SLC26A11: variants seen among roughly 807,000 people sequenced by gnomAD.
SLC26A11 encodes sodium-independent sulfate anion transporter.
In SLC26A11, 58 loss-of-function variants were observed where a neutral mutation model predicts 62.2. That is an observed-to-expected ratio of 0.93 (90% CI 0.76 to 1.16). The LOEUF (loss-of-function observed/expected upper bound fraction) is 1.16, where lower values mean the gene tolerates loss of function less well. Ranked by LOEUF, SLC26A11 falls within the 50% of genes most tolerant of loss-of-function variation. The pLI, the probability that SLC26A11 is intolerant of heterozygous loss-of-function variation, is 0.00. For synonymous variants in SLC26A11, 411 were observed against 368.9 expected, an observed-to-expected ratio of 1.11 and a Z score of -1.31; for missense variants, 790 against 794.3, an observed-to-expected ratio of 0.99 and a Z score of 0.06.
chr17:80,241,135 G>A (rs981791017), intron 9 of SLC26A11, among the ~76,000 whole-genome samples: 1 of 152,170 alleles, frequency 6.6e-6, no homozygotes, highest in African/African-American at 2.4e-5. Context: ...TAATTTAATT[G>A]GTAATAATGG....
Position 80,241,753 on chromosome 17 carries a change from A to G in SLC26A11, c.986-18A>G, listed in dbSNP as rs1375926500. On this transcript the variant is annotated intron_variant, in intron 9 of 17. Coordinates refer to ENST00000361193, the MANE Select transcript of SLC26A11 (RefSeq NM_001166347.2). ...GTTGAATATTACTGACCAGGTCTTT[A>G]CCGTTGGTTCCCTTTAGCATCTCAG... The G allele has an allele frequency of 6.2e-7, 1 of 1,613,898 alleles. No homozygotes were observed. The highest frequency in any genetic ancestry group is 1.7e-5 in the Admixed American group (1 of 60,012).
chr17:80,238,516 C>T (rs1295812597), intron 9 of SLC26A11, among the ~76,000 whole-genome samples: 1 of 152,222 alleles, frequency 6.6e-6, no homozygotes, highest in Admixed American at 6.5e-5. Flanking sequence ...TCGTCTCCTT[C>T]AGTGTCTGTT....
Position 80,220,722 on chromosome 17 carries a change from CTCCG to C in SLC26A11, c.-213-193_-213-190del, listed in dbSNP as rs545431102. Reference sequence around the variant, plus strand: ...GGACGGTCAGGTGGCGCAGGGTCTCCTCCGGAGACCCCAGGATCCGGAGCCAGCG... The same window carrying C: ...GGACGGTCAGGTGGCGCAGGGTCTCCGAGACCCCAGGATCCGGAGCCAGCG... On this transcript the variant is annotated intron_variant, in intron 1 of 17. Coordinates refer to ENST00000361193, the MANE Select transcript of SLC26A11 (RefSeq NM_001166347.2). 0.016 allele frequency among the ~76,000 whole-genome samples: 2,470 copies of C among 152,128 alleles called. 78 individuals are homozygous for C. Among genetic ancestry groups the C allele is most frequent in the African/African-American group, 0.056 (2,339 of 41,528 alleles).
chr17:80,244,092 G>T (rs1191021185), intron 10 of SLC26A11, among the ~76,000 whole-genome samples: 1 of 152,208 alleles, frequency 6.6e-6, no homozygotes, highest in Non-Finnish European at 1.5e-5. Context: ...TACTGAGTTG[G>T]CCCCAGGCCG....
chr17:80,246,089 A>T lies in SLC26A11; in HGVS notation c.1098-65A>T. 6.4e-7 allele frequency: 1 copy of T among 1,561,146 alleles called. No homozygotes were observed. Among genetic ancestry groups the T allele is most frequent in the South Asian group, 1.1e-5 (1 of 90,020 alleles). ...GTCCCCTCGGAAGATCAGCCACAGGAGTGTGGACTGAGGTCTCCCTTTTCC... is the reference window on the plus strand; with the variant it reads ...GTCCCCTCGGAAGATCAGCCACAGGTGTGTGGACTGAGGTCTCCCTTTTCC... On this transcript the variant is annotated intron_variant, in intron 11 of 17. Coordinates refer to ENST00000361193, the MANE Select transcript of SLC26A11 (RefSeq NM_001166347.2). The surrounding 1 kb of genome is among the most constrained non-coding windows in gnomAD (Gnocchi z 4.4).
In SLC26A11 at chr17:80,237,582, G is replaced by A. The variant is rs371994810; in HGVS notation, c.973G>A (p.Ala325Thr). The part of the protein sequence containing the change: ...LMGLLESIAV[A>T]KAFASQNNYR... The stretch of plus-strand genomic sequence containing the variant: ...GGGCCTCCTGGAGAGCATTGCGGTG[G>A]CCAAAGCCTTCGGTAAGACGCCTGT... Residue 325 changes from alanine to threonine, a missense_variant, in exon 9 of 18, where the codon GCC becomes ACC. Coordinates refer to ENST00000361193, the MANE Select transcript of SLC26A11 (RefSeq NM_001166347.2). The A allele has an allele frequency of 8.7e-6, 14 of 1,611,068 alleles. No individual in the cohort carries two copies. Among genetic ancestry groups the A allele is most frequent in the African/African-American group, 2.7e-5 (2 of 74,912 alleles).
Position 80,252,993 on chromosome 17 carries a change from C to A in SLC26A11, c.*277C>A. The A allele has an allele frequency of 3.5e-6, 1 of 283,476 alleles. No homozygotes were observed. The highest frequency in any genetic ancestry group is 8.3e-5 in the East Asian group (1 of 12,068). 17.6% of individuals were successfully genotyped at this position (283,476 alleles called of 1,614,324 possible). A position where few individuals can be genotyped will look rare whatever the true frequency, so the allele number is the denominator to read the frequency against. On this transcript the variant is annotated 3_prime_UTR_variant, in exon 18 of 18. Transcript: ENST00000361193. This position sits in a 1 kb window ranked among gnomAD's most constrained non-coding sequence, Gnocchi z 5.2. Reference sequence around the variant, plus strand: ...GTTTGGAGAGAGCCTTCTAGAATGACAGACTGTGCGAGGAAGCAGGGGCAG... The same window carrying A: ...GTTTGGAGAGAGCCTTCTAGAATGAAAGACTGTGCGAGGAAGCAGGGGCAG...
chr17:80,229,673 G>A (rs58499066), intron 7 of SLC26A11, among the ~76,000 whole-genome samples: 7,178 of 151,844 alleles, frequency 0.047, 585 homozygotes, highest in African/African-American at 0.16. Flanking sequence ...CAAGTGATCC[G>A]CCCGCCTCAG....
rs1018420239 is a variant in SLC26A11, at chr17:80,246,766, A to G, written c.1294+117A>G. The G allele has an allele frequency of 5.1e-6, 7 of 1,362,248 alleles. No homozygotes were observed. The African/African-American group carries it at 1.0e-4, about 20-fold the overall frequency. 84.4% of individuals were successfully genotyped at this position (1,362,248 alleles called of 1,614,324 possible). ...TCTGTGGGGCTGGGACTGGGAAGTT[A>G]GGGCAGTCCCGGAACAGAGAAGTGG... On this transcript the variant is annotated intron_variant, in intron 13 of 17. Transcript: ENST00000361193. This position sits in a 1 kb window ranked among gnomAD's most constrained non-coding sequence, Gnocchi z 4.4.
rs1279359646 is a variant in SLC26A11 at position 80,246,149 on chromosome 17, TC to T, written c.1098-3del. The T allele has an allele frequency of 6.2e-7, 1 of 1,613,080 alleles. No homozygotes were observed. The highest frequency in any genetic ancestry group is 1.3e-5 in the African/African-American group (1 of 74,922). ...GTGACTGACGGTCTCTGTGTTGCCT[TC>T]CAGGACAGCCGTGAACGCTCAGTCG... On this transcript the variant is annotated splice_polypyrimidine_tract_variant and splice_region_variant and intron_variant, in intron 11 of 17. Coordinates refer to ENST00000361193, the MANE Select transcript of SLC26A11 (RefSeq NM_001166347.2). This position sits in a 1 kb window ranked among gnomAD's most constrained non-coding sequence, Gnocchi z 4.4.
chr17:80,248,153 G>GC lies in SLC26A11; in HGVS notation c.1318_1319insC (p.Val440AlafsTer33), dbSNP rs1192577846. 6.2e-7 allele frequency: 1 copy of GC among 1,605,270 alleles called. No homozygotes were observed. The highest frequency in any genetic ancestry group is 1.3e-5 in the African/African-American group (1 of 74,914). On this transcript the variant is annotated frameshift_variant, in exon 14 of 18. Coordinates refer to ENST00000361193, the MANE Select transcript of SLC26A11 (RefSeq NM_001166347.2). LOFTEE classifies it high-confidence loss of function. ...AGGGCTGGACCTGCTGCCCCTGTGCGTGACCTTCCTGCTGTGCTTCTGGGA... is the reference window on the plus strand; with the variant it reads ...AGGGCTGGACCTGCTGCCCCTGTGCGCTGACCTTCCTGCTGTGCTTCTGGGA...
chr17:80,237,248 TA>T, intron 8 of SLC26A11, 145 bp downstream of exon 8: 1 of 1,033,168 alleles, frequency 9.7e-7, no homozygotes, highest in Non-Finnish European at 1.4e-6. Flanking sequence ...TCTCAGTTAT[TA>T]AAGAATCCCA....
At chr17:80,229,361 C>T (rs1415360727) in intron 7 of SLC26A11, among the ~76,000 whole-genome samples, 1 of 152,058 alleles carries the variant, frequency 6.6e-6, no homozygotes, top group Non-Finnish European at 1.5e-5. Flanking sequence ...AAAGTAGCTT[C>T]CAAAGTTCCT....
Position 80,238,811 on chromosome 17 carries a change from G to GGTTTTTT in SLC26A11, c.985+1217_985+1218insGTTTTTT, listed in dbSNP as rs1555629117. 1.2e-3 allele frequency among the ~76,000 whole-genome samples: 151 copies of GGTTTTTT among 123,248 alleles called. 2 individuals carry two copies. The highest frequency in any genetic ancestry group is 5.0e-3 in the African/African-American group (145 of 29,218). 80.9% of individuals were successfully genotyped at this position (123,248 alleles called of 152,430 possible). On this transcript the variant is annotated intron_variant, in intron 9 of 17. Transcript: ENST00000361193. Reference sequence around the variant, plus strand: ...TCTAACCCTTACCCCCTTCAAAGGAGTTTTTTTTGTTTTTTGTTTTTTTTT... The same window carrying GGTTTTTT: ...TCTAACCCTTACCCCCTTCAAAGGAGGTTTTTTTTTTTTTTGTTTTTTGTTTTTTTTT...
intron 10 of SLC26A11, 61 bp from the exon 11 acceptor site, chr17:80,245,135 T>G: frequency 3.3e-6 from 5 of 1,525,872 alleles, no homozygotes; most frequent in Non-Finnish European, 2.7e-6. Context: ...CCTCCCCATC[T>G]CCTTTCCCTC....
At chr17:80,225,546 GGGT>G (rs1489779668) in intron 5 of SLC26A11, 1 of 332,516 alleles carries the variant, frequency 3.0e-6, no homozygotes, top group African/African-American at 2.1e-5. Flanking sequence ...GCCTGCTGTG[GGGT>G]CACCTACATT....
intron 5 of SLC26A11, among the ~76,000 whole-genome samples, chr17:80,224,436 GGTGTGAGA>G (rs1021271632): frequency 9.4e-4 from 92 of 97,364 alleles, no homozygotes; most frequent in East Asian, 1.5e-3. Flanking sequence ...AGTGGGTGTG[GGTGTGAGA>G]GTGTGAGTGT....
In SLC26A11 at chr17:80,223,485, G is replaced by A. The variant is rs1254030844; in HGVS notation, c.513+148G>A. ...TTGTCTTCCATGGGTCAAGAAGCACGCGGTGCTCTCATGGGTCCCCTGTTA... is the reference window on the plus strand; with the variant it reads ...TTGTCTTCCATGGGTCAAGAAGCACACGGTGCTCTCATGGGTCCCCTGTTA... On this transcript the variant is annotated intron_variant, in intron 5 of 17. Transcript: ENST00000361193. This position sits in a 1 kb window ranked among gnomAD's most constrained non-coding sequence, Gnocchi z 4.6. The A allele has an allele frequency of 1.2e-5, 9 of 729,574 alleles. No individual in the cohort carries two copies. Among genetic ancestry groups the A allele is most frequent in the South Asian group, 3.2e-5 (2 of 62,254 alleles). The allele number at this position is 729,574 out of a possible 1,614,324, so 45.2% of individuals were successfully genotyped here.
At chr17:80,229,487 A>G (rs773830173) in intron 7 of SLC26A11, among the ~76,000 whole-genome samples, 1 of 151,986 alleles carries the variant, frequency 6.6e-6, no homozygotes. Context: ...GCTGGAGTGC[A>G]CTGGCGTGAT....
Sources: allele counts gnomAD v4.1 joint callset (sites outside exome capture counted in the v4.1 genomes callset), GRCh38; gene constraint gnomAD v4.1.1; non-coding constraint Gnocchi (gnomAD v3.1); transcripts MANE v1.5; gene names NCBI Gene and HGNC (gene_info 2026-07-23, HGNC 2026-07-21).